Variants in KLF7 observed in about 807,000 individuals in gnomAD.
KLF7 encodes the protein Krueppel-like factor 7.
KLF7 carries 2 observed loss-of-function variants against 27.3 expected under a neutral mutation model. The ratio of observed to expected loss-of-function variants is 0.07; its 90% CI spans 0.03 to 0.23. KLF7 has a LOEUF of 0.23. Ranked by LOEUF, KLF7 falls within the 10% of genes least tolerant of loss-of-function variation. KLF7 has a pLI of 1.00. For synonymous variants in KLF7, 165 were observed against 162.4 expected (o/e 1.02, Z -0.12); for missense variants, 221 against 394.1 (o/e 0.56, Z 3.72).
intron 1 of KLF7, among the ~76,000 whole-genome samples, chr2:207,154,984 T>TCACG (rs1161674708): frequency 1.1e-4 from 16 of 152,310 alleles, no homozygotes; most frequent in Middle Eastern, 3.4e-3. Flanking sequence ...GACTGCCAGG[T>TCACG]CACGACCTTT....
intron 1 of KLF7, among the ~76,000 whole-genome samples, chr2:207,151,056 G>A (rs908764369): frequency 6.6e-6 from 1 of 150,506 alleles, no homozygotes; most frequent in Non-Finnish European, 1.5e-5. Context: ...AAAAGGAGGG[G>A]TGAGGAGAGT....
intron 1 of KLF7, among the ~76,000 whole-genome samples, chr2:207,141,319 C>G (rs145180826): frequency 1.3e-5 from 2 of 152,034 alleles, no homozygotes; most frequent in Non-Finnish European, 2.9e-5. Flanking sequence ...TGATACAAGA[C>G]CACATACTTG....
chr2:207,110,003 C>T (rs1362563164), intron 2 of KLF7: 1 of 154,824 alleles, frequency 6.5e-6, no homozygotes, highest in Non-Finnish European at 1.5e-5. Flanking sequence ...AGTATTATCT[C>T]CAAACAGCAA....
intron 1 of KLF7, among the ~76,000 whole-genome samples, chr2:207,143,411 T>C (rs368417755): frequency 1.4e-3 from 206 of 145,818 alleles, no homozygotes; most frequent in African/African-American, 3.7e-3. Flanking sequence ...AAAAAATCCC[T>C]CCATTTACCA....
At chr2:207,086,805 A>G (rs553773271) in intron 3 of KLF7, among the ~76,000 whole-genome samples, 3 of 152,206 alleles carry the variant, frequency 2.0e-5, no homozygotes, top group Admixed American at 2.0e-4. Context: ...TAATGCTCAC[A>G]ATCTCCAAGT....
In KLF7 at chr2:207,136,736, C is replaced by T. The variant is rs2077800142; in HGVS notation, c.103-12332G>A. On this transcript the variant is annotated intron_variant, in intron 1 of 3. Transcript: ENST00000309446. Reference sequence around the variant, plus strand: ...CAGTACCTGGAAAAGACATCCAAAACATACTAGTTGAATCAATCAGTGAAC... The same window carrying T: ...CAGTACCTGGAAAAGACATCCAAAATATACTAGTTGAATCAATCAGTGAAC... Among the ~76,000 whole-genome samples, 3 of 152,308 alleles carry T rather than the reference C, an allele frequency of 2.0e-5. No individual in the cohort carries two copies. The South Asian group carries it at 6.2e-4, about 32-fold the overall frequency.
chr2:207,123,234 G>C (rs1166230535), intron 2 of KLF7, among the ~76,000 whole-genome samples: 1 of 152,102 alleles, frequency 6.6e-6, no homozygotes, highest in Non-Finnish European at 1.5e-5. Context: ...GCACGCGCCA[G>C]AGAACAATGC....
chr2:207,159,067 T>G (rs1306970520), intron 1 of KLF7, among the ~76,000 whole-genome samples: 5 of 152,252 alleles, frequency 3.3e-5, no homozygotes, highest in Admixed American at 3.3e-4. Flanking sequence ...AATTCTGAGA[T>G]TCTATGTTCC....
rs1232434581 is a variant in KLF7 at position 207,076,900 on chromosome 2, T to C, written c.*4313A>G. On this transcript the variant is annotated 3_prime_UTR_variant, in exon 4 of 4. Transcript: ENST00000309446. ...TTTCAATCAGGTTCTATTTACTGAA[T>C]GTTCATTTTGGCAATGTTCTGGGTG... is the stretch of plus-strand genomic sequence containing the variant. 2 of 152,240 alleles carry C rather than the reference T, an allele frequency of 1.3e-5. No individual in the cohort carries two copies. Among genetic ancestry groups the C allele is most frequent in the Non-Finnish European group, 2.9e-5 (2 of 68,054 alleles). The allele number at this position is 152,240 out of a possible 1,614,324, so 9.4% of individuals were successfully genotyped here.
chr2:207,099,550 C>CTATATATATATATATATATATA (rs1359258095), intron 2 of KLF7, among the ~76,000 whole-genome samples: 943 of 22,758 alleles, frequency 0.041, 46 homozygotes, highest in Middle Eastern at 0.12. Flanking sequence ...GCTACATATG[C>CTATATATATATATATATATATA]GATATATATA....
intron 2 of KLF7, chr2:207,121,740 G>C (rs1344207677): frequency 6.6e-6 from 1 of 152,144 alleles, no homozygotes; most frequent in African/African-American, 2.4e-5. Context: ...TAATCACTCT[G>C]AGTAGACAAT....
intron 3 of KLF7, among the ~76,000 whole-genome samples, chr2:207,084,102 G>A (rs2105855307): frequency 6.6e-6 from 1 of 152,260 alleles, no homozygotes; most frequent in Non-Finnish European, 1.5e-5. Context: ...GGTCAAGGCA[G>A]CAACTAGAAA....
At chr2:207,144,688 G>C (rs538478545) in intron 1 of KLF7, among the ~76,000 whole-genome samples, 1 of 152,136 alleles carries the variant, frequency 6.6e-6, no homozygotes, top group South Asian at 2.1e-4. Flanking sequence ...TTCCATATCT[G>C]TCATTTCAGG....
At position 207,074,795 on chromosome 2, in the gene KLF7, C is replaced by G. The variant is rs926594727; in HGVS notation, c.*6418G>C. 4.6e-5 allele frequency: 7 copies of G among 152,162 alleles called. No homozygotes were observed. Among genetic ancestry groups the G allele is most frequent in the Non-Finnish European group, 8.8e-5 (6 of 68,008 alleles). The allele number at this position is 152,162 out of a possible 1,614,324, so 9.4% of individuals were successfully genotyped here. A position where few individuals can be genotyped will look rare whatever the true frequency, so the allele number is the denominator to read the frequency against. ...CTAAACAAATAACATCTTGTAATCT[C>G]TATCATTCTAAAATATTGCTTTTCA... On this transcript the variant is annotated 3_prime_UTR_variant, in exon 4 of 4. Transcript: ENST00000309446.
At chr2:207,096,678 G>A (rs1233542529) in intron 2 of KLF7, among the ~76,000 whole-genome samples, 1 of 152,104 alleles carries the variant, frequency 6.6e-6, no homozygotes, top group Non-Finnish European at 1.5e-5. Context: ...AAACTTAATA[G>A]AACGTTTGGA....
At chr2:207,083,874 A>G (rs973545772) in intron 3 of KLF7, among the ~76,000 whole-genome samples, 6 of 152,142 alleles carry the variant, frequency 3.9e-5, no homozygotes, top group African/African-American at 1.4e-4. Context: ...GAATAGCATC[A>G]TGAGCCAAGG....
intron 1 of KLF7, among the ~76,000 whole-genome samples, chr2:207,142,723 G>C (rs1432235008): frequency 6.6e-6 from 1 of 152,188 alleles, no homozygotes; most frequent in Non-Finnish European, 1.5e-5. Context: ...GTGTGAGCAA[G>C]GGTGTAGAGA....
At chr2:207,111,340 G>A (rs2077031702) in intron 2 of KLF7, among the ~76,000 whole-genome samples, 1 of 152,194 alleles carries the variant, frequency 6.6e-6, no homozygotes, top group African/African-American at 2.4e-5. Flanking sequence ...TGCTCTCCCA[G>A]TGCGCACAGG....
intron 2 of KLF7, among the ~76,000 whole-genome samples, chr2:207,099,189 G>T (rs917783967): frequency 1.3e-5 from 2 of 152,072 alleles, no homozygotes; most frequent in Admixed American, 6.6e-5. Flanking sequence ...TGCAAGGAGG[G>T]TGGTACTAAG....
Sources: gnomAD v4.1 joint callset for allele counts (sites outside exome capture counted in the v4.1 genomes callset) on GRCh38, gnomAD v4.1.1 for gene constraint, MANE v1.5 for transcripts, NCBI Gene and HGNC (gene_info 2026-07-23, HGNC 2026-07-21) for gene names.